Variants in GNAZ observed in about 807,000 individuals in gnomAD.
The protein encoded by GNAZ is guanine nucleotide-binding protein G(z) subunit alpha.
A neutral mutation model predicts 25.4 loss-of-function variants in GNAZ; 3 were observed. The observed-to-expected ratio is 0.12, with a 90% confidence interval of 0.05 to 0.30. The LOEUF (loss-of-function observed/expected upper bound fraction) is 0.30, where lower values mean the gene tolerates loss of function less well. Among genes scored for constraint, GNAZ ranks in the 10% least tolerant of loss-of-function variants. GNAZ has a pLI of 1.00. For missense variants in GNAZ, 241 were observed against 501.8 expected (o/e 0.48, Z 4.97); for synonymous variants, 211 against 205.7 (o/e 1.03, Z -0.22).
intron 2 of GNAZ, among the ~76,000 whole-genome samples, chr22:23,114,675 G>A (rs1363175532): frequency 1.3e-5 from 2 of 152,246 alleles, no homozygotes; most frequent in Admixed American, 1.3e-4. Context: ...CCCTCACGAG[G>A]GAAGTATGCT....
In GNAZ at chr22:23,095,394, C is replaced by T. The variant is rs920928738; in HGVS notation, c.-302C>T. 3 of 367,146 alleles carry T rather than the reference C, an allele frequency of 8.2e-6. No homozygotes were observed. Among genetic ancestry groups the T allele is most frequent in the African/African-American group, 4.1e-5 (2 of 48,324 alleles). The allele number at this position is 367,146 out of a possible 1,614,324, so 22.7% of individuals were successfully genotyped here. On this transcript the variant is annotated 5_prime_UTR_variant, in exon 2 of 3. It adds an upstream start codon to the 5' untranslated region. Coordinates refer to ENST00000615612, the MANE Select transcript of GNAZ (RefSeq NM_002073.4). Reference sequence around the variant, plus strand: ...AGCAGCCGAGGCAAACACAAGCGGACGGCTTCCCACCGTCGCCGAGGACAG... The same window carrying T: ...AGCAGCCGAGGCAAACACAAGCGGATGGCTTCCCACCGTCGCCGAGGACAG...
intron 1 of GNAZ, among the ~76,000 whole-genome samples, chr22:23,079,004 C>T (rs779954366): frequency 3.3e-5 from 5 of 152,200 alleles, no homozygotes; most frequent in South Asian, 2.1e-4. Context: ...CCGTGAGCCA[C>T]GTTGACCGAT....
At chr22:23,083,100 C>T (rs1465504917) in intron 1 of GNAZ, among the ~76,000 whole-genome samples, 1 of 152,092 alleles carries the variant, frequency 6.6e-6, no homozygotes, top group Non-Finnish European at 1.5e-5. Context: ...GGACTCTCCA[C>T]ACAGACAGAA....
intron 1 of GNAZ, among the ~76,000 whole-genome samples, chr22:23,086,782 TCCCACTGGGTGGGGCCAGCATGACAGGA>T: frequency 6.6e-6 from 1 of 152,256 alleles, no homozygotes; most frequent in African/African-American, 2.4e-5. Context: ...GGAGCCCACT[TCCCACTGGGTGGGGCCAGCATGACAGGA>T]TTGAAGGCAG....
chr22:23,082,334 C>T (rs970548086), intron 1 of GNAZ, among the ~76,000 whole-genome samples: 1 of 150,238 alleles, frequency 6.7e-6, no homozygotes, highest in South Asian at 2.1e-4. Flanking sequence ...GTCTCAGCCT[C>T]GAAAGTAGCT....
rs151087008 is a variant in GNAZ at position 23,083,236 on chromosome 22, G to C, written c.-449-12011G>C. ...GAAGCAAGAGGGCTGTGGGAGGCCT[G>C]GGGTATTGGGGGTAGTAGGGGAGGG... is the stretch of plus-strand genomic sequence containing the variant. On this transcript the variant is annotated intron_variant, in intron 1 of 2. Coordinates refer to ENST00000615612, the MANE Select transcript of GNAZ (RefSeq NM_002073.4). Among the ~76,000 whole-genome samples, 12 of 152,220 alleles carry C rather than the reference G, an allele frequency of 7.9e-5. No homozygotes were observed. In the East Asian group the frequency reaches 2.3e-3, roughly 29 times the overall value.
chr22:23,098,832 C>T (rs999275219), intron 2 of GNAZ, among the ~76,000 whole-genome samples: 3 of 152,358 alleles, frequency 2.0e-5, no homozygotes, highest in East Asian at 1.9e-4. Context: ...CAGAGTGGTG[C>T]CGGCAGTGAG....
chr22:23,086,801 C>T (rs1255096762), intron 1 of GNAZ, among the ~76,000 whole-genome samples: 3 of 152,214 alleles, frequency 2.0e-5, no homozygotes, highest in East Asian at 3.8e-4. Flanking sequence ...GTGGGGCCAG[C>T]ATGACAGGAT....
At chr22:23,086,615 C>T (rs147665619) in intron 1 of GNAZ, among the ~76,000 whole-genome samples, 130 of 152,322 alleles carry the variant, frequency 8.5e-4, no homozygotes, top group African/African-American at 3.0e-3. Context: ...TGCCCAGCTT[C>T]CCTGAGAAAG....
intron 1 of GNAZ, among the ~76,000 whole-genome samples, chr22:23,091,079 C>G (rs9624021): frequency 0.043 from 6,556 of 152,256 alleles, 503 homozygotes; most frequent in African/African-American, 0.15. Context: ...CATGCAGATG[C>G]CCACATGCAC....
At chr22:23,075,236 C>T (rs960589587) in intron 1 of GNAZ, among the ~76,000 whole-genome samples, 19 of 152,140 alleles carry the variant, frequency 1.2e-4, no homozygotes, top group African/African-American at 3.9e-4. Context: ...GGGTGGGTTG[C>T]GTTGGACTTT....
chr22:23,086,455 G>A (rs551412153), intron 1 of GNAZ, among the ~76,000 whole-genome samples: 7 of 152,318 alleles, frequency 4.6e-5, no homozygotes, highest in Admixed American at 3.3e-4. Context: ...TGTCCCCTGC[G>A]TGTCTCCAGC....
At chr22:23,098,860 CGGGCCA>C in intron 2 of GNAZ, among the ~76,000 whole-genome samples, 1 of 152,368 alleles carries the variant, frequency 6.6e-6, no homozygotes, top group East Asian at 1.9e-4. Flanking sequence ...CGTCTCCAGC[CGGGCCA>C]GGGCCAGAGC....
chr22:23,073,759 C>G (rs1422945198), intron 1 of GNAZ, among the ~76,000 whole-genome samples: 2 of 152,232 alleles, frequency 1.3e-5, no homozygotes, highest in African/African-American at 2.4e-5. Context: ...GTTCAGCTAA[C>G]ATTTACCAGC....
intron 1 of GNAZ, among the ~76,000 whole-genome samples, chr22:23,075,868 A>G (rs1216366465): frequency 6.6e-6 from 1 of 152,038 alleles, no homozygotes; most frequent in Non-Finnish European, 1.5e-5. Flanking sequence ...TGAGTCACGG[A>G]GGCCAAGGTC....
intron 1 of GNAZ, among the ~76,000 whole-genome samples, chr22:23,089,088 T>G (rs2068891575): frequency 6.6e-6 from 1 of 151,296 alleles, no homozygotes; most frequent in Non-Finnish European, 1.5e-5. Flanking sequence ...TCCTGGGAGG[T>G]GAGGAGGGAG....
At chr22:23,077,504 G>A (rs1201702101) in intron 1 of GNAZ, among the ~76,000 whole-genome samples, 1 of 152,174 alleles carries the variant, frequency 6.6e-6, no homozygotes, top group Admixed American at 6.5e-5. Flanking sequence ...CCAGCAAGGA[G>A]CCCCTAGAAG....
intron 1 of GNAZ, among the ~76,000 whole-genome samples, chr22:23,091,977 C>A (rs772954733): frequency 6.6e-6 from 1 of 152,196 alleles, no homozygotes; most frequent in South Asian, 2.1e-4. Context: ...GGCCTTACAG[C>A]ATGTTCCTCC....
chr22:23,074,920 T>C (rs2068474151), intron 1 of GNAZ, among the ~76,000 whole-genome samples: 1 of 152,102 alleles, frequency 6.6e-6, no homozygotes, highest in Non-Finnish European at 1.5e-5. Flanking sequence ...TGTAATCCTA[T>C]ACTATGGGAG....
Sources: allele counts gnomAD v4.1 joint callset (sites outside exome capture counted in the v4.1 genomes callset), GRCh38; gene constraint gnomAD v4.1.1; transcripts MANE v1.5; gene names NCBI Gene and HGNC (gene_info 2026-07-23, HGNC 2026-07-21).